Variants in MGAT4C observed in about 807,000 individuals in gnomAD.
MGAT4C encodes the protein alpha-1,3-mannosyl-glycoprotein 4-beta-N-acetylglucosaminyltransferase C.
In MGAT4C, 19 loss-of-function variants were observed where a neutral mutation model predicts 40.1. The ratio of observed to expected loss-of-function variants is 0.47; its 90% CI spans 0.33 to 0.70. The LOEUF is 0.70. Among genes scored for constraint, MGAT4C ranks in the 30% least tolerant of loss-of-function variants. The pLI, the probability that MGAT4C is intolerant of heterozygous loss-of-function variation, is 0.02. For missense variants in MGAT4C, 491 were observed against 563.2 expected, an observed-to-expected ratio of 0.87 and a Z score of 1.30; for synonymous variants, 181 against 187.1, an observed-to-expected ratio of 0.97 and a Z score of 0.27.
intron 4 of MGAT4C, among the ~76,000 whole-genome samples, chr12:86,290,904 A>T (rs1953494284): frequency 6.6e-6 from 1 of 152,168 alleles, no homozygotes. Context: ...TGAGCTCAGA[A>T]AATAATTAGC....
intron 1 of MGAT4C, among the ~76,000 whole-genome samples, chr12:86,807,289 C>A (rs1952375034): frequency 1.3e-5 from 2 of 152,000 alleles, no homozygotes; most frequent in Non-Finnish European, 2.9e-5. Flanking sequence ...ACTCCACCCT[C>A]AGACAGGCCC....
chr12:86,486,376 G>GCACACACACACACACACA (rs59222713), intron 2 of MGAT4C, among the ~76,000 whole-genome samples: 1 of 139,988 alleles, frequency 7.1e-6, no homozygotes, highest in Non-Finnish European at 1.5e-5. Context: ...GATCTATCAT[G>GCACACACACACACACACA]CACACACACA....
chr12:86,610,687 T>C (rs1185898989), intron 2 of MGAT4C, among the ~76,000 whole-genome samples: 1 of 151,714 alleles, frequency 6.6e-6, no homozygotes, highest in Admixed American at 6.6e-5. Flanking sequence ...GCTGCACCCA[T>C]TAACTCGTCA....
intron 2 of MGAT4C, among the ~76,000 whole-genome samples, chr12:86,491,299 G>T (rs146392290): frequency 1.3e-5 from 2 of 151,798 alleles, no homozygotes; most frequent in East Asian, 3.9e-4. Context: ...ATTTTATGAG[G>T]CCAGCATCAT....
At chr12:86,421,490 GGCCTGGCGCCATGGCTCAC>G (rs1956824744) in intron 3 of MGAT4C, among the ~76,000 whole-genome samples, 1 of 152,098 alleles carries the variant, frequency 6.6e-6, no homozygotes, top group Non-Finnish European at 1.5e-5. Flanking sequence ...ACCTTGGATT[GGCCTGGCGCCATGGCTCAC>G]GCCTGTAGTC....
intron 2 of MGAT4C, among the ~76,000 whole-genome samples, chr12:86,696,014 A>C (rs532764747): frequency 8.5e-5 from 13 of 152,124 alleles, no homozygotes; most frequent in Non-Finnish European, 1.8e-4. Context: ...GATCAAGACC[A>C]TCCTGGCCAA....
chr12:86,683,533 A>G (rs569441133), intron 2 of MGAT4C, among the ~76,000 whole-genome samples: 252 of 152,138 alleles, frequency 1.7e-3, no homozygotes, highest in Non-Finnish European at 3.0e-3. Context: ...AAACTAAATT[A>G]TGTTTGGATA....
upstream of MGAT4C, among the ~76,000 whole-genome samples, chr12:86,258,062 A>T (rs2465143): frequency 0.67 from 101,143 of 151,890 alleles, 34,131 homozygotes; most frequent in South Asian, 0.77. Flanking sequence ...CAAATGCGTT[A>T]ATTTTAAAGA....
intron 1 of MGAT4C, among the ~76,000 whole-genome samples, chr12:86,175,378 T>C (rs557496226): frequency 9.1e-4 from 139 of 152,294 alleles, no homozygotes; most frequent in African/African-American, 3.2e-3. Flanking sequence ...TGCTTTTACA[T>C]CCTAAATTTC....
intron 2 of MGAT4C, among the ~76,000 whole-genome samples, chr12:86,531,260 T>C (rs1958977152): frequency 6.6e-6 from 1 of 152,126 alleles, no homozygotes; most frequent in South Asian, 2.1e-4. Context: ...TCATTTCCTC[T>C]ACTTTTGAAA....
At chr12:86,338,450 G>A (rs757939101) in intron 3 of MGAT4C, among the ~76,000 whole-genome samples, 13 of 152,140 alleles carry the variant, frequency 8.5e-5, no homozygotes, top group Non-Finnish European at 1.9e-4. Flanking sequence ...TAATCTTGTG[G>A]CTAATTTCTT....
intron 3 of MGAT4C, among the ~76,000 whole-genome samples, chr12:86,430,148 T>A (rs1034925365): frequency 2.6e-5 from 4 of 152,190 alleles, no homozygotes; most frequent in Non-Finnish European, 5.9e-5. Context: ...TCTTGCAATT[T>A]TGTATATTGT....
intron 1 of MGAT4C, among the ~76,000 whole-genome samples, chr12:86,192,588 A>G (rs908513635): frequency 6.6e-6 from 1 of 152,204 alleles, no homozygotes; most frequent in African/African-American, 2.4e-5. Flanking sequence ...TGAAGTGCAA[A>G]GTGTGGCCCA....
rs766909997 is a variant in MGAT4C, at chr12:86,762,756, AC to A, written c.-261-35516del. Among the ~76,000 whole-genome samples, 8 of 152,362 alleles carry A rather than the reference AC, an allele frequency of 5.3e-5. No homozygotes were observed. The South Asian group carries it at 8.3e-4, about 16-fold the overall frequency. On this transcript the variant is annotated intron_variant, in intron 1 of 7. Transcript: ENST00000548651. The stretch of plus-strand genomic sequence containing the variant: ...TAAAGGCTCTACTTATCACTTGTTA[AC>A]AAATAATAAACACATTTTGAAAGTA...
chr12:86,787,879 C>T (rs1951959272), intron 1 of MGAT4C, among the ~76,000 whole-genome samples: 1 of 152,104 alleles, frequency 6.6e-6, no homozygotes, highest in East Asian at 1.9e-4. Context: ...CCTGAGTAGC[C>T]TTAGTAAAGA....
chr12:86,240,026 TAAAAA>T (rs1287336143), intron 1 of MGAT4C, among the ~76,000 whole-genome samples: 5,262 of 69,648 alleles, frequency 0.076, 103 homozygotes, highest in Admixed American at 0.14. Flanking sequence ...TAGAGTATAA[TAAAAA>T]AAAAAAATAA....
intron 2 of MGAT4C, among the ~76,000 whole-genome samples, chr12:86,674,786 G>C (rs1424846018): frequency 6.6e-6 from 1 of 152,100 alleles, no homozygotes; most frequent in Non-Finnish European, 1.5e-5. Context: ...TTATTTTATA[G>C]ATTGTAATAA....
At chr12:86,348,909 A>ATT (rs1955098615) in intron 3 of MGAT4C, among the ~76,000 whole-genome samples, 1 of 152,092 alleles carries the variant, frequency 6.6e-6, no homozygotes, top group Non-Finnish European at 1.5e-5. Context: ...TTTATTTTAA[A>ATT]TAATTATTAT....
chr12:86,268,531 A>G, intron 4 of MGAT4C, among the ~76,000 whole-genome samples: 1 of 151,514 alleles, frequency 6.6e-6, no homozygotes, highest in East Asian at 1.9e-4. Context: ...TATCTACCAT[A>G]CTTTTACGGA....
Sources: allele counts gnomAD v4.1 joint callset (sites outside exome capture counted in the v4.1 genomes callset), GRCh38; gene constraint gnomAD v4.1.1; transcripts MANE v1.5; gene names NCBI Gene and HGNC (gene_info 2026-07-23, HGNC 2026-07-21).